Variants in GPHN observed in about 807,000 individuals in gnomAD.
GPHN encodes gephyrin.
A neutral mutation model predicts 95.5 loss-of-function variants in GPHN; 17 were observed. The observed-to-expected ratio is 0.18, with a 90% confidence interval of 0.12 to 0.27. GPHN has a LOEUF of 0.27. GPHN is among the 10% of genes least tolerant of loss of function. The pLI is 1.00. For synonymous variants in GPHN, 320 were observed against 322.5 expected, an observed-to-expected ratio of 0.99 and a Z score of 0.08; for missense variants, 660 against 978.1, an observed-to-expected ratio of 0.67 and a Z score of 4.34.
chr14:66,851,357 T>C (rs77394907), intron 4 of GPHN, among the ~76,000 whole-genome samples: 3 of 152,188 alleles, frequency 2.0e-5, no homozygotes, highest in South Asian at 2.1e-4. Context: ...TTTTTTTTTT[T>C]CAAAGACAGG....
At chr14:67,001,189 AAT>A (rs139594766) in intron 9 of GPHN, among the ~76,000 whole-genome samples, 2,074 of 151,706 alleles carry the variant, frequency 0.014, 19 homozygotes, top group African/African-American at 0.024. Context: ...TGGAAGTAGG[AAT>A]GAAGAGAGTC....
intron 1 of GPHN, among the ~76,000 whole-genome samples, chr14:66,638,299 T>C (rs539762853): frequency 6.6e-6 from 1 of 152,216 alleles, no homozygotes; most frequent in African/African-American, 2.4e-5. Context: ...CTGGGCATGG[T>C]GGCACATGCC....
chr14:66,958,397 A>G (rs1224225006), intron 8 of GPHN, among the ~76,000 whole-genome samples: 1 of 152,188 alleles, frequency 6.6e-6, no homozygotes, highest in Non-Finnish European at 1.5e-5. Context: ...TCTCTTGTAG[A>G]TAGCATAGAC....
At chr14:67,286,473 A>G in the GPHN span, among the ~76,000 whole-genome samples, 1 of 152,202 alleles carries the variant, frequency 6.6e-6, no homozygotes, top group South Asian at 2.1e-4. Flanking sequence ...GCAGAATTGT[A>G]TAGAATGTTG....
the GPHN span, among the ~76,000 whole-genome samples, chr14:67,535,445 A>T: frequency 7.4e-6 from 1 of 135,724 alleles, no homozygotes; most frequent in African/African-American, 2.9e-5. Flanking sequence ...CAGTGGTGCA[A>T]TCTCAGCTCA....
At chr14:67,452,043 G>C in the GPHN span, among the ~76,000 whole-genome samples, 1 of 152,150 alleles carries the variant, frequency 6.6e-6, no homozygotes, top group Non-Finnish European at 1.5e-5. Flanking sequence ...TAAGAAACGG[G>C]AGTTTCGGCT....
intron 4 of GPHN, among the ~76,000 whole-genome samples, chr14:66,864,025 A>C (rs1039702214): frequency 6.6e-6 from 1 of 152,200 alleles, no homozygotes; most frequent in African/African-American, 2.4e-5. Flanking sequence ...AAATGAAGAG[A>C]GAACCCACAG....
intron 1 of GPHN, among the ~76,000 whole-genome samples, chr14:66,580,864 GA>G (rs544728868): frequency 6.7e-6 from 1 of 149,800 alleles, no homozygotes; most frequent in Admixed American, 6.6e-5. Flanking sequence ...GACACTACAA[GA>G]AAAAAAAATG....
At chr14:66,823,241 A>C (rs778621023) in intron 3 of GPHN, 1 of 152,178 alleles carries the variant, frequency 6.6e-6, no homozygotes, top group Non-Finnish European at 1.5e-5. Flanking sequence ...ACCTTACGTG[A>C]TCCACCCGCC....
rs533673692 is a variant in GPHN at position 66,746,960 on chromosome 14, A to G, written c.144-29504A>G. Among the ~76,000 whole-genome samples, 5 of 152,130 alleles carry G rather than the reference A, an allele frequency of 3.3e-5. No individual in the cohort carries two copies. In the East Asian group the frequency reaches 9.7e-4, roughly 29 times the overall value. On this transcript the variant is annotated intron_variant, in intron 2 of 22. Coordinates refer to ENST00000478722, the MANE Select transcript of GPHN (RefSeq NM_020806.5). ...GGTTTGGGGCATAGAAAAATGAGGA[A>G]GAGGAGAGGGGGAAACAAAATAACC...
At chr14:67,332,724 C>G in the GPHN span, 35 of 1,528,874 alleles carry the variant, frequency 2.3e-5, no homozygotes, top group South Asian at 3.9e-4. Context: ...CTGACTCATC[C>G]TATATTATTT....
At chr14:67,449,851 A>G in the GPHN span, 1 of 152,256 alleles carries the variant, frequency 6.6e-6, no homozygotes, top group African/African-American at 2.4e-5. Flanking sequence ...TAATCCCAGC[A>G]CTTTGGGAGG....
intron 1 of GPHN, among the ~76,000 whole-genome samples, chr14:66,660,045 A>C (rs977600285): frequency 6.6e-6 from 1 of 151,506 alleles, no homozygotes; most frequent in Non-Finnish European, 1.5e-5. Context: ...ATTTTTATTT[A>C]TAAATATTTT....
At chr14:67,024,539 T>C (rs187141133) in intron 10 of GPHN, among the ~76,000 whole-genome samples, 28 of 152,328 alleles carry the variant, frequency 1.8e-4, no homozygotes, top group East Asian at 7.7e-4. Flanking sequence ...AGCATTATTT[T>C]TGTGTTATAC....
intron 1 of GPHN, chr14:66,509,465 A>C (rs188700470): frequency 1.3e-5 from 2 of 152,168 alleles, no homozygotes; most frequent in Non-Finnish European, 2.9e-5. Context: ...TGTGTTCTGC[A>C]TGTCTGATTC....
chr14:66,592,986 A>C (rs999629054), intron 1 of GPHN, among the ~76,000 whole-genome samples: 1 of 152,362 alleles, frequency 6.6e-6, no homozygotes, highest in South Asian at 2.1e-4. Flanking sequence ...CGATGAGTTC[A>C]TGTCCTTTGC....
At chr14:67,460,228 TGTGGTGTCATGGGAGGA>T in the GPHN span, among the ~76,000 whole-genome samples, 1 of 152,064 alleles carries the variant, frequency 6.6e-6, no homozygotes, top group Admixed American at 6.5e-5. Context: ...TCTCATACTG[TGTGGTGTCATGGGAGGA>T]GTCCCTGGGC....
chr14:66,990,320 A>G (rs1027074723), intron 9 of GPHN, among the ~76,000 whole-genome samples: 3 of 152,200 alleles, frequency 2.0e-5, no homozygotes, highest in Non-Finnish European at 4.4e-5. Context: ...GAGCCAAACC[A>G]TATCAACAAG....
the GPHN span, among the ~76,000 whole-genome samples, chr14:67,260,232 G>A: frequency 8.5e-5 from 13 of 152,152 alleles, no homozygotes; most frequent in Non-Finnish European, 1.3e-4. Flanking sequence ...ATTCCTCTAC[G>A]GCCATACCAC....
Sources: gnomAD v4.1 joint callset for allele counts (sites outside exome capture counted in the v4.1 genomes callset) on GRCh38, gnomAD v4.1.1 for gene constraint, MANE v1.5 for transcripts, NCBI Gene and HGNC (gene_info 2026-07-23, HGNC 2026-07-21) for gene names.